FKBP3: variants seen among roughly 807,000 people sequenced by gnomAD.
FKBP3 encodes the protein peptidyl-prolyl cis-trans isomerase FKBP3.
In FKBP3, 21 loss-of-function variants were observed where a neutral mutation model predicts 30.6. That is an observed-to-expected ratio of 0.69 (90% CI 0.49 to 0.99). FKBP3 has a LOEUF of 0.99. Ranked by LOEUF, FKBP3 falls within the 50% of genes least tolerant of loss-of-function variation. The probability of loss-of-function intolerance (pLI) is 0.00; values close to 1 mark genes in which losing one functional copy is unlikely to be tolerated. For synonymous variants in FKBP3, 82 were observed against 91.3 expected, an observed-to-expected ratio of 0.90 and a Z score of 0.58; for missense variants, 283 against 261.6, an observed-to-expected ratio of 1.08 and a Z score of -0.56.
At chr14:45,129,398 C>T (rs1344033075) in intron 3 of FKBP3, among the ~76,000 whole-genome samples, 3 of 152,082 alleles carry the variant, frequency 2.0e-5, no homozygotes, top group Non-Finnish European at 4.4e-5. Flanking sequence ...TGCAGCCAAG[C>T]CTGGATTATT....
chr14:45,123,558 G>T (rs1885032025), intron 3 of FKBP3, among the ~76,000 whole-genome samples: 1 of 121,514 alleles, frequency 8.2e-6, no homozygotes, highest in Admixed American at 9.4e-5. Context: ...CCTACTTTAT[G>T]TAATTTTTCA....
chr14:45,128,286 A>G (rs369777147), intron 3 of FKBP3, among the ~76,000 whole-genome samples: 2 of 152,220 alleles, frequency 1.3e-5, no homozygotes, highest in South Asian at 2.1e-4. Context: ...GCTGTGAACC[A>G]AGATGGCACC....
At position 45,127,115 on chromosome 14, in the gene FKBP3, C is replaced by CTTTTTTTTTTTTTTTTTTTTT. The variant is rs1231283034; in HGVS notation, c.318+2678_318+2679insAAAAAAAAAAAAAAAAAAAAA. 2.3e-3 allele frequency among the ~76,000 whole-genome samples: 283 copies of CTTTTTTTTTTTTTTTTTTTTT among 120,614 alleles called. 27 individuals are homozygous for CTTTTTTTTTTTTTTTTTTTTT. The highest frequency in any genetic ancestry group is 1.0e-2 in the African/African-American group (269 of 26,926). The allele number at this position is 120,614 out of a possible 152,430, so 79.1% of individuals were successfully genotyped here. The stretch of plus-strand genomic sequence containing the variant: ...AGCCACTGTACCTGACTGACCCTGT[C>CTTTTTTTTTTTTTTTTTTTTT]TTTTTTTTTTTTTTTGAGACAGAGT... On this transcript the variant is annotated intron_variant, in intron 3 of 6. Transcript: ENST00000396062.
chr14:45,133,423 C>T (rs1033624821), intron 1 of FKBP3: 8 of 196,728 alleles, frequency 4.1e-5, no homozygotes, highest in African/African-American at 1.4e-4. Flanking sequence ...GCCGAGATCG[C>T]GCCACTGCAC....
At chr14:45,127,931 G>C (rs768510554) in intron 3 of FKBP3, among the ~76,000 whole-genome samples, 5 of 152,184 alleles carry the variant, frequency 3.3e-5, no homozygotes, top group Non-Finnish European at 7.3e-5. Flanking sequence ...TCCTGAAGGA[G>C]ACATGAGAAA....
At chr14:45,130,632 T>C (rs1377253020) in intron 2 of FKBP3, 67 bp downstream of exon 2, 1 of 975,054 alleles carries the variant, frequency 1.0e-6, no homozygotes, top group Non-Finnish European at 1.5e-6. Context: ...CAATGCATTT[T>C]AAACATCTTT....
chr14:45,126,048 A>G (rs1449518788), intron 3 of FKBP3, among the ~76,000 whole-genome samples: 1 of 151,920 alleles, frequency 6.6e-6, no homozygotes, highest in Non-Finnish European at 1.5e-5. Flanking sequence ...ACAGGCACAC[A>G]CCACCACGCC....
intron 3 of FKBP3, among the ~76,000 whole-genome samples, chr14:45,123,936 G>A (rs1336709610): frequency 1.3e-5 from 2 of 151,674 alleles, no homozygotes; most frequent in Non-Finnish European, 2.9e-5. Context: ...CTTTTAAAAG[G>A]CCCAGTTACC....
At chr14:45,126,135 C>T (rs1317967097) in intron 3 of FKBP3, among the ~76,000 whole-genome samples, 1 of 151,564 alleles carries the variant, frequency 6.6e-6, no homozygotes, top group Non-Finnish European at 1.5e-5. Context: ...AAGTGATCCA[C>T]CTTCCTTGGC....
intron 1 of FKBP3, chr14:45,131,029 T>C: frequency 3.0e-6 from 1 of 328,138 alleles, no homozygotes; most frequent in Non-Finnish European, 5.5e-6. Context: ...TGTTATGTAC[T>C]GAACACAGTG....
intron 6 of FKBP3, 81 bp from the exon 7 acceptor site, chr14:45,116,333 G>C (rs1884834236): frequency 1.1e-6 from 1 of 943,812 alleles, no homozygotes; most frequent in Non-Finnish European, 1.7e-6. Context: ...AGGCTGACTA[G>C]ATAGGCTCAC....
intron 4 of FKBP3, 71 bp downstream of exon 4, chr14:45,121,414 A>C (rs1179838069): frequency 1.5e-6 from 2 of 1,301,602 alleles, no homozygotes; most frequent in Admixed American, 3.8e-5. Flanking sequence ...ACTGCTAACT[A>C]CTCATCTGTC....
Position 45,116,175 on chromosome 14 carries a change from C to T in FKBP3, c.*23G>A, listed in dbSNP as rs1594739447. ...AAGTTTTATCATTGTTGCTAATATC[C>T]TTAGAGCTGAAGCACTGCTATTTCA... On this transcript the variant is annotated 3_prime_UTR_variant, in exon 7 of 7. Transcript: ENST00000396062. 2.5e-6 allele frequency: 4 copies of T among 1,573,156 alleles called. No individual in the cohort carries two copies. The highest frequency in any genetic ancestry group is 1.7e-5 in the Admixed American group (1 of 59,884).
chr14:45,128,262 A>G (rs943497401), intron 3 of FKBP3, among the ~76,000 whole-genome samples: 9 of 152,202 alleles, frequency 5.9e-5, no homozygotes, highest in Non-Finnish European at 1.5e-5. Context: ...ACTTGAACCC[A>G]GGAGGGGGAG....
At chr14:45,121,919 T>TA (rs1884993765) in intron 3 of FKBP3, among the ~76,000 whole-genome samples, 1 of 151,990 alleles carries the variant, frequency 6.6e-6, no homozygotes, top group Non-Finnish European at 1.5e-5. Context: ...TTCCTAAAGT[T>TA]AAAAAAAATC....
chr14:45,131,000 G>A (rs2056390868), intron 1 of FKBP3, 200 bp from the exon 2 acceptor site: 3 of 460,638 alleles, frequency 6.5e-6, no homozygotes, highest in Admixed American at 3.9e-5. Context: ...AAGAATTAGT[G>A]ACAAGACTGC....
chr14:45,131,954 G>A (rs1267257965), intron 1 of FKBP3, among the ~76,000 whole-genome samples: 1 of 152,198 alleles, frequency 6.6e-6, no homozygotes, highest in Non-Finnish European at 1.5e-5. Context: ...ATAGCAAGTC[G>A]TAGTATAACT....
chr14:45,133,383 T>C (rs2060350895), intron 1 of FKBP3: 2 of 257,784 alleles, frequency 7.8e-6, no homozygotes, highest in South Asian at 3.0e-5. Context: ...AGGAGAATCG[T>C]TTGAACCCGG....
chr14:45,119,760 T>C (rs1455266551), intron 5 of FKBP3, among the ~76,000 whole-genome samples: 2 of 150,734 alleles, frequency 1.3e-5, no homozygotes, highest in Non-Finnish European at 3.0e-5. Flanking sequence ...TGATCTCAGC[T>C]CACTACAACC....
Sources: gnomAD v4.1 joint callset for allele counts (sites outside exome capture counted in the v4.1 genomes callset) on GRCh38, gnomAD v4.1.1 for gene constraint, MANE v1.5 for transcripts, NCBI Gene and HGNC (gene_info 2026-07-23, HGNC 2026-07-21) for gene names.